Variants in ATP10B observed in about 807,000 individuals in gnomAD.
The protein encoded by ATP10B is phospholipid-transporting ATPase VB.
Under a neutral mutation model 141.2 loss-of-function variants are expected in ATP10B, and 122 were observed. The ratio of observed to expected loss-of-function variants is 0.86; its 90% CI spans 0.75 to 1.00. ATP10B has a LOEUF of 1.00. Among genes scored for constraint, ATP10B ranks in the 50% least tolerant of loss-of-function variants. ATP10B has a pLI of 0.00. For synonymous variants in ATP10B, 685 were observed against 692.0 expected (o/e 0.99, Z 0.16); for missense variants, 1,876 against 1,825.3 (o/e 1.03, Z -0.51).
intron 9 of ATP10B, among the ~76,000 whole-genome samples, chr5:160,641,057 T>C (rs1279685792): frequency 6.6e-6 from 1 of 152,164 alleles, no homozygotes; most frequent in African/African-American, 2.4e-5. Context: ...ATTGAAGATA[T>C]ACAAGAAGAC....
rs375420111 is a variant in ATP10B, at chr5:160,821,628, CA to C, written c.-576+30312del. 7.0e-3 allele frequency among the ~76,000 whole-genome samples: 1,065 copies of C among 152,016 alleles called. 18 individuals are homozygous for C. Among genetic ancestry groups the C allele is most frequent in the African/African-American group, 0.024 (1,004 of 41,452 alleles). On this transcript the variant is annotated intron_variant, in intron 1 of 25. Coordinates refer to ENST00000327245, the MANE Select transcript of ATP10B (RefSeq NM_025153.3). The stretch of plus-strand genomic sequence containing the variant: ...CTTTATACTACTAAGCTATAGTAAC[CA>C]AAACAGCATGGTACCGGCATAAAAA...
At chr5:160,740,978 A>G (rs1305232343) in intron 2 of ATP10B, among the ~76,000 whole-genome samples, 1 of 152,130 alleles carries the variant, frequency 6.6e-6, no homozygotes, top group Non-Finnish European at 1.5e-5. Context: ...GGCCTCCCCA[A>G]TCCTTACTCC....
chr5:160,686,287 C>T lies in ATP10B; in HGVS notation c.276-14G>A, dbSNP rs760359490. ...AGGTTAGCCCATCTGGAGGGGCAAG[C>T]GAAGTGTGAATAAACACTATGGAGA... On this transcript the variant is annotated splice_polypyrimidine_tract_variant and intron_variant, in intron 5 of 25. Coordinates refer to ENST00000327245, the MANE Select transcript of ATP10B (RefSeq NM_025153.3). 8 of 1,554,274 alleles carry T rather than the reference C, an allele frequency of 5.1e-6. No individual in the cohort carries two copies. Among genetic ancestry groups the T allele is most frequent in the Non-Finnish European group, 5.2e-6 (6 of 1,143,996 alleles).
chr5:160,623,057 A>G (rs570296360), intron 13 of ATP10B, among the ~76,000 whole-genome samples: 1 of 152,152 alleles, frequency 6.6e-6, no homozygotes, highest in African/African-American at 2.4e-5. Context: ...ATTCTTTCAC[A>G]GTTTGCATTT....
chr5:160,708,672 T>C (rs889705348), intron 3 of ATP10B, among the ~76,000 whole-genome samples: 1 of 152,226 alleles, frequency 6.6e-6, no homozygotes, highest in African/African-American at 2.4e-5. Context: ...GAATCTGTAA[T>C]ATCACAGGGT....
chr5:160,853,412 C>T (rs184598110), upstream of ATP10B, among the ~76,000 whole-genome samples: 2 of 152,236 alleles, frequency 1.3e-5, no homozygotes, highest in Admixed American at 1.3e-4. Flanking sequence ...GAGGAGAATG[C>T]TGAAGCTCAG....
intron 8 of ATP10B, among the ~76,000 whole-genome samples, chr5:160,645,818 T>C (rs958271750): frequency 2.0e-5 from 3 of 152,194 alleles, no homozygotes; most frequent in African/African-American, 2.4e-5. Flanking sequence ...TATAAGCCTT[T>C]TTCACTGAAG....
the ATP10B span, among the ~76,000 whole-genome samples, chr5:160,875,598 TAA>T: frequency 2.5e-5 from 2 of 79,464 alleles, no homozygotes; most frequent in East Asian, 7.5e-4. Context: ...GCAAATTGGA[TAA>T]AGAGTCAAGA....
intron 7 of ATP10B, among the ~76,000 whole-genome samples, chr5:160,656,678 C>CT (rs968916382): frequency 2.2e-4 from 33 of 151,244 alleles, no homozygotes; most frequent in African/African-American, 4.1e-4. Flanking sequence ...AGGACAACCT[C>CT]TTTTTTTTAT....
At chr5:160,606,110 G>A (rs1757372033) in intron 19 of ATP10B, among the ~76,000 whole-genome samples, 1 of 152,204 alleles carries the variant, frequency 6.6e-6, no homozygotes, top group Admixed American at 6.5e-5. Context: ...TAAGAGATAT[G>A]GCTGAGGGTA....
At chr5:160,772,138 C>G (rs1254547777) in intron 2 of ATP10B, among the ~76,000 whole-genome samples, 5 of 152,138 alleles carry the variant, frequency 3.3e-5, no homozygotes, top group Non-Finnish European at 7.4e-5. Context: ...GGGTTAATAC[C>G]CAGAAGTGAA....
At chr5:160,923,892 T>C in the ATP10B span, among the ~76,000 whole-genome samples, 1 of 152,136 alleles carries the variant, frequency 6.6e-6, no homozygotes, top group East Asian at 1.9e-4. Flanking sequence ...GAAAGAGAAA[T>C]TGGAAAAATG....
At chr5:160,823,003 T>TATATATATATATATATATATATATAC (rs1774267494) in intron 1 of ATP10B, among the ~76,000 whole-genome samples, 2 of 95,754 alleles carry the variant, frequency 2.1e-5, no homozygotes, top group African/African-American at 9.1e-5. Flanking sequence ...TATATATACA[T>TATATATATATATATATATATATATAC]ATATATATAT....
chr5:160,880,176 T>G, the ATP10B span, among the ~76,000 whole-genome samples: 1 of 146,882 alleles, frequency 6.8e-6, no homozygotes, highest in East Asian at 1.9e-4. Context: ...TAAAAATATA[T>G]AATGTAAATA....
intron 2 of ATP10B, among the ~76,000 whole-genome samples, chr5:160,770,315 T>C (rs61418714): frequency 0.16 from 24,094 of 152,014 alleles, 2,724 homozygotes; most frequent in East Asian, 0.42. Context: ...ACCCCACCTC[T>C]TCATCTGCCT....
the ATP10B span, among the ~76,000 whole-genome samples, chr5:160,921,874 G>A: frequency 2.6e-5 from 4 of 152,160 alleles, no homozygotes; most frequent in East Asian, 1.9e-4. Context: ...TATACCCGCA[G>A]GCAGCCTTTT....
rs1461651424 is a variant in ATP10B at position 160,783,574 on chromosome 5, CACACACACACACACACACACACAT to C, written c.-331+1961_-331+1984del. ...CATATATATATGATACACACACACA[CACACACACACACACACACACACAT>C]ACACACACACACCACAGTTTCTTCA... On this transcript the variant is annotated intron_variant, in intron 2 of 25. Coordinates refer to ENST00000327245, the MANE Select transcript of ATP10B (RefSeq NM_025153.3). Among the ~76,000 whole-genome samples the C allele has an allele frequency of 1.4e-3, 171 of 126,392 alleles. 2 individuals carry two copies. The East Asian group carries it at 0.048, about 36-fold the overall frequency. 82.9% of individuals were successfully genotyped at this position (126,392 alleles called of 152,430 possible). A position where few individuals can be genotyped will look rare whatever the true frequency, so the allele number is the denominator to read the frequency against.
intron 16 of ATP10B, among the ~76,000 whole-genome samples, chr5:160,617,084 T>C (rs1758063289): frequency 6.6e-6 from 1 of 152,208 alleles, no homozygotes. Context: ...TCTCTAATGC[T>C]GACCTAAGAA....
the ATP10B span, among the ~76,000 whole-genome samples, chr5:160,922,039 A>T: frequency 6.6e-6 from 1 of 152,236 alleles, no homozygotes. Flanking sequence ...ACAGTAGGTG[A>T]CATTAAGGAA....
Sources: allele counts gnomAD v4.1 joint callset (sites outside exome capture counted in the v4.1 genomes callset), GRCh38; gene constraint gnomAD v4.1.1; transcripts MANE v1.5; gene names NCBI Gene and HGNC (gene_info 2026-07-23, HGNC 2026-07-21).